The following AFF3 variants were observed in gnomAD, a reference collection of about 807,000 sequenced individuals.
AFF3 encodes AF4/FMR2 family member 3.
A neutral mutation model predicts 129.7 loss-of-function variants in AFF3; 32 were observed. The ratio of observed to expected loss-of-function variants is 0.25; its 90% confidence interval spans 0.19 to 0.33. AFF3 has a LOEUF of 0.33. Ranked by LOEUF, AFF3 falls within the 10% of genes least tolerant of loss-of-function variation. The pLI is 1.00. For synonymous variants in AFF3, 644 were observed against 635.4 expected, an observed-to-expected ratio of 1.01 and a Z score of -0.20; for missense variants, 1,373 against 1,592.0, an observed-to-expected ratio of 0.86 and a Z score of 2.34.
At chr2:99,728,938 G>A (rs914328470) in intron 10 of AFF3, among the ~76,000 whole-genome samples, 1 of 152,312 alleles carries the variant, frequency 6.6e-6, no homozygotes, top group African/African-American at 2.4e-5. Context: ...TTAGTACTTT[G>A]CAGAAACATT....
At chr2:99,592,266 C>A (rs1558613301) in intron 15 of AFF3, among the ~76,000 whole-genome samples, 1 of 152,226 alleles carries the variant, frequency 6.6e-6, no homozygotes, top group Non-Finnish European at 1.5e-5. Context: ...CCTGGACTCA[C>A]CGCTTCCATT....
chr2:100,121,651 A>T (rs373283735), intron 2 of AFF3, among the ~76,000 whole-genome samples: 7 of 152,332 alleles, frequency 4.6e-5, no homozygotes, highest in African/African-American at 1.7e-4. Flanking sequence ...ATCAAAGCAT[A>T]TGCAAAGGCA....
At chr2:100,018,589 CTATA>C (rs1390003319) in intron 4 of AFF3, among the ~76,000 whole-genome samples, 3 of 152,052 alleles carry the variant, frequency 2.0e-5, no homozygotes, top group Non-Finnish European at 1.5e-5. Context: ...CAGAGTCTTT[CTATA>C]TAGTATAAAC....
intron 4 of AFF3, among the ~76,000 whole-genome samples, chr2:100,080,774 A>T (rs548998864): frequency 1.3e-5 from 2 of 152,310 alleles, no homozygotes; most frequent in South Asian, 2.1e-4. Flanking sequence ...TCTCTAAAAA[A>T]GATGGCTCTC....
At chr2:99,607,408 T>C (rs1680476063) in intron 13 of AFF3, among the ~76,000 whole-genome samples, 1 of 151,836 alleles carries the variant, frequency 6.6e-6, no homozygotes, top group Non-Finnish European at 1.5e-5. Flanking sequence ...GGTGGGCGCC[T>C]ATAATCCCAG....
rs751882272 is a variant in AFF3 at position 99,993,792 on chromosome 2, CTTTTTTTTTT to C, written c.873+12830_873+12839del. Among the ~76,000 whole-genome samples, 446 of 72,550 alleles carry C rather than the reference CTTTTTTTTTT, an allele frequency of 6.1e-3. 1 individual carries two copies. The highest frequency in any genetic ancestry group is 0.026 in the African/African-American group (418 of 16,116). 47.6% of individuals were successfully genotyped at this position (72,550 alleles called of 152,430 possible). On this transcript the variant is annotated intron_variant, in intron 7 of 24. Coordinates refer to ENST00000672756, the MANE Select transcript of AFF3 (RefSeq NM_001386135.1). The stretch of plus-strand genomic sequence containing the variant: ...CAAGTAATGTGTACAAACACTTTAT[CTTTTTTTTTT>C]TTTTTTTTTTTTTTTTTTTTGAGAC...
chr2:99,903,462 T>C (rs1694495513), intron 7 of AFF3, among the ~76,000 whole-genome samples: 1 of 152,202 alleles, frequency 6.6e-6, no homozygotes. Context: ...TATAAAATGA[T>C]TGGCACTGAT....
At chr2:100,011,346 C>T (rs1311521812) in intron 4 of AFF3, 7 of 711,172 alleles carry the variant, frequency 9.8e-6, no homozygotes, top group Non-Finnish European at 1.8e-5. Context: ...GACTCCCACA[C>T]ACATGCTTGC....
At position 99,941,028 on chromosome 2, in the gene AFF3, G is replaced by A. The variant is rs924265079; in HGVS notation, c.873+65604C>T. On this transcript the variant is annotated intron_variant, in intron 7 of 24. Coordinates refer to ENST00000672756, the MANE Select transcript of AFF3 (RefSeq NM_001386135.1). ...GGAGAGGAAATCAGAAAAGGCTGAC[G>A]GAGGCTAAAGACACTGTGGTAGAGC... 5.3e-5 allele frequency among the ~76,000 whole-genome samples: 8 copies of A among 152,254 alleles called. No homozygotes were observed. In the East Asian group the frequency reaches 5.8e-4, roughly 11 times the overall value.
At chr2:100,019,488 C>T (rs138514602) in intron 4 of AFF3, among the ~76,000 whole-genome samples, 292 of 152,278 alleles carry the variant, frequency 1.9e-3, no homozygotes, top group African/African-American at 6.4e-3. Context: ...CGGTTCTCCA[C>T]GGAGACAACA....
chr2:99,687,838 T>C (rs1257829696), intron 11 of AFF3, among the ~76,000 whole-genome samples: 2 of 152,164 alleles, frequency 1.3e-5, no homozygotes, highest in South Asian at 2.1e-4. Context: ...TACACCTATA[T>C]TGCTATGATA....
chr2:100,137,815 C>T (rs746586061), intron 1 of AFF3, among the ~76,000 whole-genome samples: 1 of 152,164 alleles, frequency 6.6e-6, no homozygotes, highest in Non-Finnish European at 1.5e-5. Context: ...ATGTCCATAA[C>T]ATCTATGCCC....
intron 7 of AFF3, among the ~76,000 whole-genome samples, chr2:99,987,009 C>T (rs900695705): frequency 6.6e-6 from 1 of 152,128 alleles, no homozygotes; most frequent in African/African-American, 2.4e-5. Flanking sequence ...AACGAAAAGG[C>T]CGATCGTTAC....
intron 24 of AFF3, among the ~76,000 whole-genome samples, chr2:99,553,147 G>T (rs2104475637): frequency 6.6e-6 from 1 of 152,224 alleles, no homozygotes; most frequent in African/African-American, 2.4e-5. Flanking sequence ...ATGTTGGCCA[G>T]CCTGGTTTCA....
At chr2:99,557,469 T>C (rs552424030) in intron 22 of AFF3, among the ~76,000 whole-genome samples, 1 of 152,302 alleles carries the variant, frequency 6.6e-6, no homozygotes, top group African/African-American at 2.4e-5. Flanking sequence ...TCTGTATGTA[T>C]TAGTGGGCTG....
intron 8 of AFF3, among the ~76,000 whole-genome samples, chr2:99,772,419 T>C (rs1399975237): frequency 6.6e-6 from 1 of 152,204 alleles, no homozygotes; most frequent in Non-Finnish European, 1.5e-5. Flanking sequence ...CACAAATACA[T>C]GTCAGGATTC....
chr2:99,968,378 A>G (rs1677999655), intron 7 of AFF3, among the ~76,000 whole-genome samples: 1 of 152,146 alleles, frequency 6.6e-6, no homozygotes, highest in South Asian at 2.1e-4. Context: ...CCCAATTGCA[A>G]TTATCCCCAA....
At chr2:99,950,153 C>T (rs113599443) in intron 7 of AFF3, among the ~76,000 whole-genome samples, 14 of 152,232 alleles carry the variant, frequency 9.2e-5, no homozygotes, top group African/African-American at 3.1e-4. Context: ...CTAAATCTTA[C>T]GTACATGTGC....
intron 2 of AFF3, among the ~76,000 whole-genome samples, chr2:100,124,675 G>T (rs1573465748): frequency 6.6e-6 from 1 of 151,406 alleles, no homozygotes; most frequent in East Asian, 2.0e-4. Context: ...GGGGAGATGG[G>T]GGGGTGTATC....
Sources: allele counts gnomAD v4.1 joint callset (sites outside exome capture counted in the v4.1 genomes callset), GRCh38; gene constraint gnomAD v4.1.1; transcripts MANE v1.5; gene names NCBI Gene and HGNC (gene_info 2026-07-23, HGNC 2026-07-21).